Variants in PPP1CB observed in about 807,000 individuals in gnomAD.
PPP1CB encodes the protein serine/threonine-protein phosphatase PP1-beta catalytic subunit.
A neutral mutation model predicts 43.7 loss-of-function variants in PPP1CB; 2 were observed. The ratio of observed to expected loss-of-function variants is 0.05; its 90% CI spans 0.02 to 0.14. PPP1CB has a LOEUF of 0.14. PPP1CB is among the 10% of genes least tolerant of loss of function. PPP1CB has a pLI of 1.00. For synonymous variants in PPP1CB, 136 were observed against 135.6 expected, an observed-to-expected ratio of 1.00 and a Z score of -0.02; for missense variants, 84 against 398.0, an observed-to-expected ratio of 0.21 and a Z score of 6.71.
intron 6 of PPP1CB, among the ~76,000 whole-genome samples, chr2:28,790,308 C>CT (rs1215187053): frequency 2.0e-5 from 3 of 152,094 alleles, no homozygotes; most frequent in Non-Finnish European, 4.4e-5. Context: ...TGATTGTAGA[C>CT]TTGGTAATAG....
chr2:28,776,855 A>C lies in PPP1CB; in HGVS notation c.57A>C (p.Arg19=). 1 of 1,610,106 alleles carries C rather than the reference A, an allele frequency of 6.2e-7. No homozygotes were observed. Among genetic ancestry groups the C allele is most frequent in the Non-Finnish European group, 8.5e-7 (1 of 1,177,072 alleles). Residue 19 remains arginine, a synonymous_variant, in exon 2 of 8, where the codon CGA becomes CGC. Transcript: ENST00000395366. ...DSLITRLLEV[R]GCRPGKIVQM... ...GTTTTATTTATCGTTTGTCAGTACG[A>C]GGATGTCGTCCAGGAAAGATTGTGC... is the stretch of plus-strand genomic sequence containing the variant.
At chr2:28,758,967 G>A (rs1448468395) in intron 1 of PPP1CB, among the ~76,000 whole-genome samples, 1 of 152,206 alleles carries the variant, frequency 6.6e-6, no homozygotes, top group East Asian at 1.9e-4. Context: ...ATATCCCTAA[G>A]TAACAGAAGT....
chr2:28,788,837 T>A (rs769519730), intron 6 of PPP1CB, 28 bp downstream of exon 6: 35 of 1,558,296 alleles, frequency 2.2e-5, no homozygotes, highest in Non-Finnish European at 2.8e-5. Flanking sequence ...CTTAAGCTTT[T>A]TCTTTTTTCT....
Position 28,788,940 on chromosome 2 carries a change from C to T in PPP1CB, c.744+131C>T. 3 of 914,630 alleles carry T rather than the reference C, an allele frequency of 3.3e-6. 1 individual carries two copies. Among genetic ancestry groups the T allele is most frequent in the Middle Eastern group, 6.9e-4 (2 of 2,888 alleles). 56.7% of individuals were successfully genotyped at this position (914,630 alleles called of 1,614,324 possible). On this transcript the variant is annotated intron_variant, in intron 6 of 7. Transcript: ENST00000395366. ...TGGCGCAATCTCTGCTCACTGCAACCTGTGCCTCCCGGGTTCAGGCAGTTC... is the reference window on the plus strand; with the variant it reads ...TGGCGCAATCTCTGCTCACTGCAACTTGTGCCTCCCGGGTTCAGGCAGTTC...
chr2:28,799,852 A>C lies in PPP1CB; in HGVS notation c.*549A>C, dbSNP rs917078188. Reference sequence around the variant, plus strand: ...ATATCTGTTTAATCTTACTAAGAAAACTTTCGCCTCATTACATTAAAAAGG... The same window carrying C: ...ATATCTGTTTAATCTTACTAAGAAACCTTTCGCCTCATTACATTAAAAAGG... On this transcript the variant is annotated 3_prime_UTR_variant, in exon 8 of 8. Transcript: ENST00000395366. 1 of 152,482 alleles carries C rather than the reference A, an allele frequency of 6.6e-6. No individual in the cohort carries two copies. The highest frequency in any genetic ancestry group is 2.4e-5 in the African/African-American group (1 of 41,430). The allele number at this position is 152,482 out of a possible 1,614,324, so 9.4% of individuals were successfully genotyped here.
rs766904890 is a variant in PPP1CB, at chr2:28,783,860, T to C, written c.521-47T>C. The C allele has an allele frequency of 3.8e-6, 5 of 1,307,596 alleles. No homozygotes were observed. The South Asian group carries it at 4.9e-5, about 13-fold the overall frequency. The allele number at this position is 1,307,596 out of a possible 1,614,324, so 81.0% of individuals were successfully genotyped here. On this transcript the variant is annotated intron_variant, in intron 4 of 7. Transcript: ENST00000395366. ...TTTTTATTCGGTGACTGTTAAAATA[T>C]TAAAATTTTTAGCTGTTAGTACTAT...
At chr2:28,785,589 A>G (rs1368282506) in intron 5 of PPP1CB, among the ~76,000 whole-genome samples, 1 of 152,048 alleles carries the variant, frequency 6.6e-6, no homozygotes, top group East Asian at 1.9e-4. Context: ...AGGCAGGAAG[A>G]TCACTTGAGG....
intron 1 of PPP1CB, among the ~76,000 whole-genome samples, chr2:28,774,768 T>C (rs939356134): frequency 3.9e-5 from 6 of 152,054 alleles, no homozygotes; most frequent in Non-Finnish European, 8.8e-5. Flanking sequence ...CATTTAAAAC[T>C]AAAGCTGAGA....
intron 1 of PPP1CB, among the ~76,000 whole-genome samples, chr2:28,756,514 T>C (rs1351141343): frequency 6.6e-6 from 1 of 152,230 alleles, no homozygotes; most frequent in Non-Finnish European, 1.5e-5. Context: ...TTTTAACTTT[T>C]CCTATTCAAG....
At position 28,775,039 on chromosome 2, in the gene PPP1CB, CT is replaced by C. The variant is rs754189510; in HGVS notation, c.53-1801del. Among the ~76,000 whole-genome samples the C allele has an allele frequency of 4.5e-3, 651 of 145,250 alleles. 6 individuals carry two copies. Among genetic ancestry groups the C allele is most frequent in the African/African-American group, 0.013 (503 of 39,862 alleles). On this transcript the variant is annotated intron_variant, in intron 1 of 7. Transcript: ENST00000395366. ...ATATATAGCTTTTGCATGTGGAGGCCTTTTTTTTTTTAAAGCCTCTTATTGA... is the reference window on the plus strand; with the variant it reads ...ATATATAGCTTTTGCATGTGGAGGCCTTTTTTTTTTAAAGCCTCTTATTGA...
At position 28,802,530 on chromosome 2, in the gene PPP1CB, A is replaced by T. The variant is rs950919615; in HGVS notation, c.*3227A>T. 1.3e-5 allele frequency: 2 copies of T among 152,216 alleles called. No homozygotes were observed. Among genetic ancestry groups the T allele is most frequent in the Non-Finnish European group, 2.9e-5 (2 of 68,034 alleles). The allele number at this position is 152,216 out of a possible 1,614,324, so 9.4% of individuals were successfully genotyped here. The stretch of plus-strand genomic sequence containing the variant: ...TCTTCCTAGTAGATCTCAATGTTTT[A>T]TAATTCCTTAAAACAGCTGAAAATT... On this transcript the variant is annotated 3_prime_UTR_variant, in exon 8 of 8. Transcript: ENST00000395366.
At chr2:28,779,084 G>T (rs373528631) in intron 3 of PPP1CB, 45 bp downstream of exon 3, 7 of 1,401,120 alleles carry the variant, frequency 5.0e-6, no homozygotes, top group Non-Finnish European at 6.9e-6. Flanking sequence ...TGGAAACATT[G>T]CCTAATAATT....
At chr2:28,759,834 G>T (rs968944569) in intron 1 of PPP1CB, among the ~76,000 whole-genome samples, 6 of 152,006 alleles carry the variant, frequency 3.9e-5, no homozygotes, top group Non-Finnish European at 7.4e-5. Flanking sequence ...AGCCAGGATG[G>T]TATTGATCTC....
intron 1 of PPP1CB, among the ~76,000 whole-genome samples, chr2:28,766,809 T>C (rs955732850): frequency 6.6e-6 from 1 of 152,026 alleles, no homozygotes; most frequent in Non-Finnish European, 1.5e-5. Context: ...TCAGCTGGGG[T>C]GGTGGCTCAC....
At chr2:28,795,110 T>C (rs919555596) in intron 7 of PPP1CB, among the ~76,000 whole-genome samples, 3 of 152,216 alleles carry the variant, frequency 2.0e-5, no homozygotes, top group Non-Finnish European at 4.4e-5. Flanking sequence ...TTTCTCTTCC[T>C]GCATTAATTG....
chr2:28,799,196 A>T lies in PPP1CB; in HGVS notation c.880-3A>T, dbSNP rs112208996. 1 of 1,529,692 alleles carries T rather than the reference A, an allele frequency of 6.5e-7. No individual in the cohort carries two copies. Among genetic ancestry groups the T allele is most frequent in the Non-Finnish European group, 9.0e-7 (1 of 1,114,738 alleles). The allele number at this position is 1,529,692 out of a possible 1,614,324, so 94.8% of individuals were successfully genotyped here. On this transcript the variant is annotated splice_polypyrimidine_tract_variant and splice_region_variant and intron_variant, in intron 7 of 7. Coordinates refer to ENST00000395366, the MANE Select transcript of PPP1CB (RefSeq NM_002709.3). ...ACATTATTTGTTAATAATTTACTTT[A>T]AGATATTGAAACCATCTGAAAAGAA...
chr2:28,767,243 A>T (rs1572450263), intron 1 of PPP1CB, among the ~76,000 whole-genome samples: 2 of 152,294 alleles, frequency 1.3e-5, no homozygotes, highest in South Asian at 4.1e-4. Flanking sequence ...TTGTGAAGAA[A>T]TTCTGCTGTG....
intron 7 of PPP1CB, among the ~76,000 whole-genome samples, chr2:28,796,309 C>G (rs996452425): frequency 6.6e-6 from 1 of 151,978 alleles, no homozygotes; most frequent in Admixed American, 6.6e-5. Flanking sequence ...TAGAAAAGTT[C>G]TTTTCTAATG....
chr2:28,766,950 G>T (rs182058085), intron 1 of PPP1CB, among the ~76,000 whole-genome samples: 1 of 151,830 alleles, frequency 6.6e-6, no homozygotes, highest in African/African-American at 2.4e-5. Flanking sequence ...GCGTGGTGGC[G>T]GGCACCTGTG....
Sources: allele counts gnomAD v4.1 joint callset (sites outside exome capture counted in the v4.1 genomes callset), GRCh38; gene constraint gnomAD v4.1.1; transcripts MANE v1.5; gene names NCBI Gene and HGNC (gene_info 2026-07-23, HGNC 2026-07-21).